Variants in RNF38 observed in about 807,000 individuals in gnomAD.
The protein encoded by RNF38 is E3 ubiquitin-protein ligase RNF38.
In RNF38, 15 loss-of-function variants were observed where a neutral mutation model predicts 67.2. The ratio of observed to expected loss-of-function variants is 0.22; its 90% confidence interval spans 0.15 to 0.34. The LOEUF is 0.34. RNF38 is among the 10% of genes least tolerant of loss of function. The pLI is 1.00. For missense variants in RNF38, 524 were observed against 639.9 expected, an observed-to-expected ratio of 0.82 and a Z score of 1.95; for synonymous variants, 220 against 218.8, an observed-to-expected ratio of 1.01 and a Z score of -0.05.
upstream of RNF38, chr9:36,400,839 C>T (rs1294945863): frequency 7.3e-5 from 72 of 984,968 alleles, no homozygotes; most frequent in Non-Finnish European, 8.4e-5. Flanking sequence ...ACGCCCCAAC[C>T]GACCGGGCCT....
In RNF38 at chr9:36,337,094, G is replaced by A. The variant is rs1832499251; in HGVS notation, c.*2658C>T. ...GCCAATATTATTTTAGGAGGAAAGA[G>A]GACGAAGGCCAATGAACCAACATCT... On this transcript the variant is annotated 3_prime_UTR_variant, in exon 12 of 12. Transcript: ENST00000259605. The A allele has an allele frequency of 6.6e-6, 1 of 152,198 alleles. No homozygotes were observed. Among genetic ancestry groups the A allele is most frequent in the African/African-American group, 2.4e-5 (1 of 41,458 alleles). The allele number at this position is 152,198 out of a possible 1,614,324, so 9.4% of individuals were successfully genotyped here. A position where few individuals can be genotyped will look rare whatever the true frequency, so the allele number is the denominator to read the frequency against.
intron 2 of RNF38, among the ~76,000 whole-genome samples, chr9:36,389,286 T>TA (rs1335613465): frequency 6.6e-6 from 1 of 151,448 alleles, no homozygotes; most frequent in Non-Finnish European, 1.5e-5. Flanking sequence ...CTCTCTGAAA[T>TA]TAAAGTTTAT....
Position 36,336,871 on chromosome 9 carries a change from TA to T in RNF38, c.*2880del, listed in dbSNP as rs1331172257. The T allele has an allele frequency of 4.6e-5, 7 of 152,354 alleles. No individual in the cohort carries two copies. The highest frequency in any genetic ancestry group is 8.8e-5 in the Non-Finnish European group (6 of 68,024). The allele number at this position is 152,354 out of a possible 1,614,324, so 9.4% of individuals were successfully genotyped here. ...AACAAATCACATTTCAGATAGTATA[TA>T]AAATCTAAATATGCTTTCACATTTT... On this transcript the variant is annotated 3_prime_UTR_variant, in exon 12 of 12. Coordinates refer to ENST00000259605, the MANE Select transcript of RNF38 (RefSeq NM_022781.5).
chr9:36,361,999 C>T (rs1279495417), intron 4 of RNF38, among the ~76,000 whole-genome samples: 1 of 152,118 alleles, frequency 6.6e-6, no homozygotes, highest in African/African-American at 2.4e-5. Flanking sequence ...AAGATGCCAT[C>T]AATTGCGAGA....
intron 1 of RNF38, among the ~76,000 whole-genome samples, chr9:36,460,955 G>C (rs1467191873): frequency 6.7e-6 from 1 of 149,200 alleles, no homozygotes; most frequent in Non-Finnish European, 1.5e-5. Flanking sequence ...GCTCACAACT[G>C]TAATTCCAAC....
chr9:36,478,335 C>A (rs1587215131), intron 1 of RNF38, among the ~76,000 whole-genome samples: 1 of 130,210 alleles, frequency 7.7e-6, no homozygotes, highest in East Asian at 2.4e-4. Context: ...ACCTGGGAGG[C>A]GGAGCTTGCA....
chr9:36,431,629 C>T (rs1838936737), intron 1 of RNF38, among the ~76,000 whole-genome samples: 1 of 152,090 alleles, frequency 6.6e-6, no homozygotes, highest in Admixed American at 6.6e-5. Flanking sequence ...TTAGGCACAC[C>T]ATCCTCCCAG....
intron 1 of RNF38, among the ~76,000 whole-genome samples, chr9:36,451,428 T>C (rs994567969): frequency 6.8e-6 from 1 of 147,512 alleles, no homozygotes. Context: ...ATGGCACCAC[T>C]GCACTCCTGC....
chr9:36,363,359 C>T lies in RNF38; in HGVS notation c.571-5417G>A, dbSNP rs1415123182. ...CTTGATTACACTAAGAATGGAATTG[C>T]TGGATTACTGGGTAGGTGTATGTTT... On this transcript the variant is annotated intron_variant, in intron 4 of 11. Transcript: ENST00000259605. Among the ~76,000 whole-genome samples, 3 of 100,882 alleles carry T rather than the reference C, an allele frequency of 3.0e-5. 1 individual carries two copies. The highest frequency in any genetic ancestry group is 1.8e-4 in the Admixed American group (2 of 11,112). 66.2% of individuals were successfully genotyped at this position (100,882 alleles called of 152,430 possible). A position where few individuals can be genotyped will look rare whatever the true frequency, so the allele number is the denominator to read the frequency against.
chr9:36,433,188 A>G lies in RNF38; in HGVS notation n.242-8505T>C, dbSNP rs560205399. Among the ~76,000 whole-genome samples, 51 of 152,050 alleles carry G rather than the reference A, an allele frequency of 3.4e-4. No individual in the cohort carries two copies. In the South Asian group the frequency reaches 0.011, roughly 32 times the overall value. ...GGATGGTTAATGGGTACAAAAAAAA[A>G]AAGAGTAAGATCTAGTATCTGACAG... On this transcript the variant is annotated intron_variant and non_coding_transcript_variant, in intron 1 of 3. Transcript: ENST00000488058.
intron 1 of RNF38, among the ~76,000 whole-genome samples, chr9:36,438,966 G>A (rs1415893162): frequency 6.6e-6 from 1 of 151,930 alleles, no homozygotes; most frequent in Non-Finnish European, 1.5e-5. Context: ...TTTATATTAA[G>A]TGCTCTCTAC....
chr9:36,410,984 G>A (rs573601294), intron 2 of RNF38, among the ~76,000 whole-genome samples: 1 of 152,124 alleles, frequency 6.6e-6, no homozygotes, highest in Non-Finnish European at 1.5e-5. Context: ...TGAATGTACT[G>A]TATGTACTTA....
At chr9:36,368,200 A>G (rs571682826) in intron 4 of RNF38, among the ~76,000 whole-genome samples, 3 of 152,162 alleles carry the variant, frequency 2.0e-5, no homozygotes, top group African/African-American at 7.2e-5. Flanking sequence ...ATGCTTTTAT[A>G]ATTTCTGCCA....
chr9:36,455,817 A>T (rs1052842116), intron 1 of RNF38, among the ~76,000 whole-genome samples: 1 of 151,750 alleles, frequency 6.6e-6, no homozygotes, highest in African/African-American at 2.4e-5. Flanking sequence ...AGGCTGAAGC[A>T]GGAGAATCGC....
intron 1 of RNF38, chr9:36,424,769 T>C (rs1564057563): frequency 6.3e-6 from 2 of 316,200 alleles, no homozygotes; most frequent in Non-Finnish European, 9.2e-6. Flanking sequence ...TTTACATCCA[T>C]GATCCCATCT....
chr9:36,439,274 T>A (rs1839139760), intron 1 of RNF38, among the ~76,000 whole-genome samples: 1 of 152,216 alleles, frequency 6.6e-6, no homozygotes, highest in African/African-American at 2.4e-5. Flanking sequence ...TAGACCTAGA[T>A]GTGAGATGTG....
intron 1 of RNF38, among the ~76,000 whole-genome samples, chr9:36,454,268 C>A (rs1839530919): frequency 1.3e-5 from 2 of 151,832 alleles, no homozygotes; most frequent in Non-Finnish European, 2.9e-5. Flanking sequence ...GGATTACAGG[C>A]ATCCGCCACC....
intron 1 of RNF38, among the ~76,000 whole-genome samples, chr9:36,425,519 C>G (rs1564057820): frequency 6.6e-6 from 1 of 152,092 alleles, no homozygotes; most frequent in Non-Finnish European, 1.5e-5. Flanking sequence ...CATGGTGAAA[C>G]CCTGTCTCTA....
intron 3 of RNF38, among the ~76,000 whole-genome samples, chr9:36,370,957 T>A (rs1038275874): frequency 6.6e-6 from 1 of 152,124 alleles, no homozygotes; most frequent in African/African-American, 2.4e-5. Context: ...AACCCACATT[T>A]ACTCTCCATG....
Sources: gnomAD v4.1 joint callset for allele counts (sites outside exome capture counted in the v4.1 genomes callset) on GRCh38, gnomAD v4.1.1 for gene constraint, MANE v1.5 for transcripts, NCBI Gene and HGNC (gene_info 2026-07-23, HGNC 2026-07-21) for gene names.